PSPH: variants seen among roughly 807,000 people sequenced by gnomAD.
The protein encoded by PSPH is phosphoserine phosphatase.
Under a neutral mutation model 23.4 loss-of-function variants are expected in PSPH, and 16 were observed. The ratio of observed to expected loss-of-function variants is 0.68; its 90% CI spans 0.46 to 1.04. The LOEUF is 1.04. PSPH is among the 50% of genes least tolerant of loss of function. The pLI is 0.00. For missense variants in PSPH, 223 were observed against 273.7 expected, an observed-to-expected ratio of 0.81 and a Z score of 1.31; for synonymous variants, 68 against 99.7, an observed-to-expected ratio of 0.68 and a Z score of 1.89.
chr7:56,048,004 C>T (rs1174835296), intron 1 of PSPH, among the ~76,000 whole-genome samples: 4 of 150,766 alleles, frequency 2.7e-5, no homozygotes, highest in Non-Finnish European at 5.9e-5. Context: ...TCAGGCCAGG[C>T]GTGGTGGCTC....
rs1313060981 is a variant in PSPH at position 56,033,391 on chromosome 7, A to C, written c.-146+570T>G. 2.0e-5 allele frequency: 3 copies of C among 151,318 alleles called. No individual in the cohort carries two copies. In the East Asian group the frequency reaches 5.9e-4, roughly 30 times the overall value. 9.4% of individuals were successfully genotyped at this position (151,318 alleles called of 1,614,324 possible). A position where few individuals can be genotyped will look rare whatever the true frequency, so the allele number is the denominator to read the frequency against. On this transcript the variant is annotated intron_variant, in intron 2 of 7. Transcript: ENST00000275605. The stretch of plus-strand genomic sequence containing the variant: ...CATGATGGTGGGTACCCAGATACTC[A>C]GGAGGCTGAGGCAGGAGAATCCCTT...
At chr7:56,021,004 C>G in intron 4 of PSPH, 69 bp downstream of exon 4, 1 of 1,548,860 alleles carries the variant, frequency 6.5e-7, no homozygotes, top group Non-Finnish European at 8.7e-7. Flanking sequence ...GGGTCTAGCA[C>G]TTCATCCAAA....
chr7:56,020,348 C>T (rs572853294), intron 4 of PSPH, among the ~76,000 whole-genome samples: 8 of 152,156 alleles, frequency 5.3e-5, no homozygotes, highest in South Asian at 2.1e-4. Flanking sequence ...AAATAGTGTC[C>T]GGGTGCAGCA....
At chr7:56,012,302 C>T (rs6948553) in intron 7 of PSPH, among the ~76,000 whole-genome samples, 2,563 of 151,740 alleles carry the variant, frequency 0.017, 51 homozygotes, top group African/African-American at 0.043. Flanking sequence ...AGTGATCATC[C>T]TGCCTCAGCC....
chr7:56,012,989 T>C (rs1421863750), intron 7 of PSPH, among the ~76,000 whole-genome samples: 1 of 82,672 alleles, frequency 1.2e-5, no homozygotes, highest in Non-Finnish European at 2.8e-5. Flanking sequence ...TTATGACACT[T>C]GCTATATAGC....
At chr7:56,016,882 TCTC>T (rs1243172425) in intron 6 of PSPH, among the ~76,000 whole-genome samples, 8 of 152,044 alleles carry the variant, frequency 5.3e-5, no homozygotes, top group Non-Finnish European at 7.4e-5. Flanking sequence ...CAGCCAAAAG[TCTC>T]CTTCTTGAGT....
At chr7:56,031,755 A>G (rs565337928) in intron 3 of PSPH, among the ~76,000 whole-genome samples, 174 bp downstream of exon 3, 6 of 152,318 alleles carry the variant, frequency 3.9e-5, no homozygotes, top group African/African-American at 1.4e-4. Flanking sequence ...TGGAGGTTGC[A>G]GTAAGCCAAG....
chr7:56,043,647 C>A (rs13232523), intron 1 of PSPH, among the ~76,000 whole-genome samples: 1 of 134,358 alleles, frequency 7.4e-6, no homozygotes, highest in Admixed American at 7.7e-5. Flanking sequence ...GACCACCCCT[C>A]CCCCCACCCA....
chr7:56,030,986 T>C (rs978160779), intron 3 of PSPH, among the ~76,000 whole-genome samples: 1 of 139,460 alleles, frequency 7.2e-6, no homozygotes, highest in Non-Finnish European at 1.6e-5. Context: ...CTGAGGCGGG[T>C]GGATCATGAG....
chr7:56,035,354 T>G (rs1791595297), intron 1 of PSPH, among the ~76,000 whole-genome samples: 1 of 151,852 alleles, frequency 6.6e-6, no homozygotes, highest in Non-Finnish European at 1.5e-5. Context: ...AAAAAAAAAA[T>G]TATTCCATGT....
intron 3 of PSPH, among the ~76,000 whole-genome samples, chr7:56,027,352 T>A (rs1790349284): frequency 6.6e-6 from 1 of 152,062 alleles, no homozygotes; most frequent in Non-Finnish European, 1.5e-5. Context: ...GAGGAATGCA[T>A]AATGCATGGG....
intron 3 of PSPH, among the ~76,000 whole-genome samples, chr7:56,025,506 G>A (rs1321996001): frequency 6.6e-6 from 1 of 151,970 alleles, no homozygotes; most frequent in African/African-American, 2.4e-5. Flanking sequence ...TGATCCATGC[G>A]ACTCAGCCTC....
intron 7 of PSPH, among the ~76,000 whole-genome samples, chr7:56,013,136 TAC>T (rs1788147836): frequency 7.2e-6 from 1 of 139,844 alleles, no homozygotes; most frequent in Non-Finnish European, 1.5e-5. Flanking sequence ...CACATATATA[TAC>T]GTATATGTGT....
At chr7:56,031,540 C>T (rs760827256) in intron 3 of PSPH, among the ~76,000 whole-genome samples, 2 of 152,162 alleles carry the variant, frequency 1.3e-5, no homozygotes, top group African/African-American at 4.8e-5. Flanking sequence ...TGGCCGGGTG[C>T]AGTGGCTCAC....
intron 1 of PSPH, among the ~76,000 whole-genome samples, chr7:56,035,810 G>A (rs1791652462): frequency 6.6e-6 from 1 of 151,920 alleles, no homozygotes; most frequent in Admixed American, 6.6e-5. Flanking sequence ...AGTAGAGATG[G>A]GGTTTCACCA....
At position 56,015,183 on chromosome 7, in the gene PSPH, A is replaced by C; in HGVS notation, c.422-12T>G. ...ACCTGCATATTCACCTTAAAAGAGA[A>C]ATAAAAATAGGGTTAAAGACCCAGA... is the stretch of plus-strand genomic sequence containing the variant. On this transcript the variant is annotated splice_polypyrimidine_tract_variant and intron_variant, in intron 6 of 7. Coordinates refer to ENST00000275605, the MANE Select transcript of PSPH (RefSeq NM_004577.4). 3 of 1,613,714 alleles carry C rather than the reference A, an allele frequency of 1.9e-6. No homozygotes were observed. The highest frequency in any genetic ancestry group is 2.5e-6 in the Non-Finnish European group (3 of 1,179,720).
At chr7:56,035,149 T>C (rs1205801967) in intron 1 of PSPH, among the ~76,000 whole-genome samples, 2 of 152,128 alleles carry the variant, frequency 1.3e-5, no homozygotes, top group Non-Finnish European at 2.9e-5. Context: ...GAGACCAGCC[T>C]GGCCAACATG....
chr7:56,042,372 C>T (rs961791401), intron 1 of PSPH, among the ~76,000 whole-genome samples: 5 of 152,014 alleles, frequency 3.3e-5, no homozygotes, highest in Admixed American at 1.3e-4. Context: ...AGAAGGGAGC[C>T]GGGCACAGTG....
intron 3 of PSPH, among the ~76,000 whole-genome samples, chr7:56,021,673 G>A (rs565459351): frequency 5.3e-5 from 8 of 151,576 alleles, no homozygotes; most frequent in Non-Finnish European, 1.0e-4. Flanking sequence ...GTGAGGCCGG[G>A]CGCGGTGGCT....
Sources: gnomAD v4.1 joint callset for allele counts (sites outside exome capture counted in the v4.1 genomes callset) on GRCh38, gnomAD v4.1.1 for gene constraint, MANE v1.5 for transcripts, NCBI Gene and HGNC (gene_info 2026-07-23, HGNC 2026-07-21) for gene names.